RAPGEF1: variants seen among roughly 807,000 people sequenced by gnomAD.
RAPGEF1 encodes the protein Rap guanine nucleotide exchange factor 1.
RAPGEF1 carries 33 observed loss-of-function variants against 143.3 expected under a neutral mutation model. That is an observed-to-expected ratio of 0.23 (90% CI 0.17 to 0.31). The LOEUF (loss-of-function observed/expected upper bound fraction) is 0.31. RAPGEF1 is among the 10% of genes least tolerant of loss of function. RAPGEF1 has a pLI of 1.00. For missense variants in RAPGEF1, 1,199 were observed against 1,645.4 expected (o/e 0.73, Z 4.69); for synonymous variants, 629 against 676.5 (o/e 0.93, Z 1.09).
intron 1 of RAPGEF1, among the ~76,000 whole-genome samples, chr9:131,695,737 G>A (rs1834122006): frequency 6.6e-6 from 1 of 152,174 alleles, no homozygotes; most frequent in South Asian, 2.1e-4. Flanking sequence ...TCTCTGGTTG[G>A]AATGATGGAA....
At chr9:131,733,575 C>A (rs577294071) in intron 1 of RAPGEF1, among the ~76,000 whole-genome samples, 1 of 152,266 alleles carries the variant, frequency 6.6e-6, no homozygotes, top group Non-Finnish European at 1.5e-5. Context: ...ATGACAGATC[C>A]CTTAATAATT....
chr9:131,577,630 G>T lies in RAPGEF1; in HGVS notation c.*1867C>A. The T allele has an allele frequency of 6.6e-6, 1 of 152,452 alleles. No individual in the cohort carries two copies. 9.4% of individuals were successfully genotyped at this position (152,452 alleles called of 1,614,324 possible). A position where few individuals can be genotyped will look rare whatever the true frequency, so the allele number is the denominator to read the frequency against. ...GCACAGCAGCATTCAACAGAGCTGG[G>T]CAAGGGAAGGGGAGAGAGAGTCAAG... On this transcript the variant is annotated 3_prime_UTR_variant, in exon 27 of 27. Transcript: ENST00000683357.
intron 1 of RAPGEF1, among the ~76,000 whole-genome samples, chr9:131,688,427 A>AT (rs1833527076): frequency 6.6e-6 from 1 of 152,244 alleles, no homozygotes; most frequent in African/African-American, 2.4e-5. Context: ...CCATTAACAT[A>AT]AGCCAGGAAC....
chr9:131,683,502 C>A (rs1833086430), intron 1 of RAPGEF1, among the ~76,000 whole-genome samples: 1 of 152,212 alleles, frequency 6.6e-6, no homozygotes, highest in Non-Finnish European at 1.5e-5. Flanking sequence ...TTGCCTTCTC[C>A]TGTTATAATT....
In RAPGEF1 at chr9:131,675,914, T is replaced by C. The variant is rs1244248448; in HGVS notation, c.62-24965A>G. ...GCTCAGTTTGACAAAAACTCAGTCT[T>C]TTTTTTTTTTTTAATCTCGCCCTGT... On this transcript the variant is annotated intron_variant, in intron 1 of 26. Coordinates refer to ENST00000683357, the MANE Select transcript of RAPGEF1 (RefSeq NM_001377935.1). This position sits in a 1 kb window ranked among gnomAD's most constrained non-coding sequence, Gnocchi z 4.6. 7.0e-6 allele frequency among the ~76,000 whole-genome samples: 1 copy of C among 142,616 alleles called. No individual in the cohort carries two copies. Among genetic ancestry groups the C allele is most frequent in the Non-Finnish European group, 1.6e-5 (1 of 64,102 alleles). 93.6% of individuals were successfully genotyped at this position (142,616 alleles called of 152,430 possible).
chr9:131,714,635 G>C (rs1835732065), intron 1 of RAPGEF1, among the ~76,000 whole-genome samples: 1 of 151,842 alleles, frequency 6.6e-6, no homozygotes, highest in Non-Finnish European at 1.5e-5. Context: ...TGGAGGTCAG[G>C]CCTAGCAAAG....
chr9:131,672,120 G>A (rs1831501597), intron 1 of RAPGEF1, among the ~76,000 whole-genome samples: 1 of 152,188 alleles, frequency 6.6e-6, no homozygotes, highest in African/African-American at 2.4e-5. Flanking sequence ...ACACTGGTTA[G>A]CTTCCCCTCC....
intron 10 of RAPGEF1, among the ~76,000 whole-genome samples, chr9:131,623,026 C>T (rs1961695206): frequency 6.6e-6 from 1 of 152,154 alleles, no homozygotes; most frequent in African/African-American, 2.4e-5. Flanking sequence ...GCTCGTCCTC[C>T]CAAAGTGCTG....
intron 5 of RAPGEF1, among the ~76,000 whole-genome samples, chr9:131,634,638 A>T (rs763578517): frequency 7.4e-6 from 1 of 135,086 alleles, no homozygotes; most frequent in Non-Finnish European, 1.5e-5. Context: ...ACTTGAACCC[A>T]GGAGGCGGAG....
chr9:131,605,060 A>G lies in RAPGEF1; in HGVS notation c.2190T>C (p.Ser730=), dbSNP rs1956893439. 7.3e-7 allele frequency: 1 copy of G among 1,365,460 alleles called. No individual in the cohort carries two copies. 84.6% of individuals were successfully genotyped at this position (1,365,460 alleles called of 1,614,324 possible). A position where few individuals can be genotyped will look rare whatever the true frequency, so the allele number is the denominator to read the frequency against. Residue 730 remains serine, a synonymous_variant, in exon 13 of 27, where the codon TCT becomes TCC. Coordinates refer to ENST00000683357, the MANE Select transcript of RAPGEF1 (RefSeq NM_001377935.1). ...HFPPAHQSQS[S]DLAVPTMAGP... is the part of the protein sequence containing the mutation. ...CGGCCATGGTTGGCACGGCTAAGTC[A>G]GAGCTCTGAGACTGGTGGGCAGGTG...
In RAPGEF1 at chr9:131,588,902, G is replaced by A; in HGVS notation, c.2952C>T (p.Ala984=). 1 of 1,613,942 alleles carries A rather than the reference G, an allele frequency of 6.2e-7. No individual in the cohort carries two copies. Among genetic ancestry groups the A allele is most frequent in the Non-Finnish European group, 8.5e-7 (1 of 1,179,866 alleles). Residue 984 remains alanine, a synonymous_variant, in exon 20 of 27, where the codon GCC becomes GCT. Coordinates refer to ENST00000683357, the MANE Select transcript of RAPGEF1 (RefSeq NM_001377935.1). ...CCAGGATGTTCTTCCGGAGCACACG[G>A]GCCAGGCTCAGCTCCCCATTGCACA... ...RLVCNGELSL[A]RVLRKNILDK... is the part of the protein sequence containing the mutation.
intron 1 of RAPGEF1, among the ~76,000 whole-genome samples, chr9:131,712,856 C>CAGGGGT (rs1835604629): frequency 6.6e-6 from 1 of 152,116 alleles, no homozygotes; most frequent in Admixed American, 6.5e-5. Context: ...GTGAACTGTT[C>CAGGGGT]AGGGGTAGGG....
intron 1 of RAPGEF1, among the ~76,000 whole-genome samples, chr9:131,694,234 G>A (rs1383613088): frequency 6.6e-6 from 1 of 152,186 alleles, no homozygotes; most frequent in Non-Finnish European, 1.5e-5. Flanking sequence ...GCTGGGGGCA[G>A]AGGAATTCTG....
intron 5 of RAPGEF1, 124 bp from the exon 6 acceptor site, chr9:131,630,448 C>A: frequency 1.1e-6 from 1 of 894,810 alleles, no homozygotes; most frequent in Non-Finnish European, 1.7e-6. Context: ...AGATTCCCCA[C>A]GCACCATAAA....
rs368950632 is a variant in RAPGEF1, at chr9:131,602,095, C to T, written c.2467G>A (p.Val823Ile). ...HPRDPSAVSG[V>I]PGKDSRDGSE... ...CCGTCTCTGCTGTCCTTCCCAGGGA[C>T]GCCGCTGACCGCTGAGGGATCTCTG... The change falls in exon 15 of 27, where the codon GTC becomes ATC. Residue 823 changes from valine to isoleucine, a missense_variant. Coordinates refer to ENST00000683357, the MANE Select transcript of RAPGEF1 (RefSeq NM_001377935.1). The T allele has an allele frequency of 6.2e-5, 99 of 1,604,222 alleles. No individual in the cohort carries two copies. Among genetic ancestry groups the T allele is most frequent in the African/African-American group, 5.5e-4 (41 of 74,722 alleles).
At chr9:131,736,352 C>G (rs573623867) in intron 1 of RAPGEF1, among the ~76,000 whole-genome samples, 77 of 152,296 alleles carry the variant, frequency 5.1e-4, no homozygotes, top group African/African-American at 1.8e-3. Flanking sequence ...CTTTCTCCAC[C>G]AGGCCTCACT....
At chr9:131,682,884 C>T (rs935166645) in intron 1 of RAPGEF1, among the ~76,000 whole-genome samples, 8 of 152,120 alleles carry the variant, frequency 5.3e-5, no homozygotes, top group East Asian at 3.9e-4. Flanking sequence ...CAATTCAACC[C>T]GCTCAATGTA....
intron 1 of RAPGEF1, among the ~76,000 whole-genome samples, chr9:131,668,469 A>G (rs945406958): frequency 1.3e-5 from 2 of 152,164 alleles, no homozygotes; most frequent in African/African-American, 4.8e-5. Context: ...ATCAGAGGGG[A>G]GGTATTCTTA....
chr9:131,700,620 T>C (rs969864274), intron 1 of RAPGEF1, among the ~76,000 whole-genome samples: 6 of 152,020 alleles, frequency 3.9e-5, no homozygotes, highest in African/African-American at 1.2e-4. Context: ...AACAATAGAA[T>C]TTTTTTTAGT....
Sources: gnomAD v4.1 joint callset for allele counts (sites outside exome capture counted in the v4.1 genomes callset) on GRCh38, gnomAD v4.1.1 for gene constraint, Gnocchi (gnomAD v3.1) non-coding constraint, MANE v1.5 for transcripts, NCBI Gene and HGNC (gene_info 2026-07-23, HGNC 2026-07-21) for gene names.